SNX29: variants seen among roughly 807,000 people sequenced by gnomAD.
SNX29 encodes the protein sorting nexin-29.
SNX29 carries 78 observed loss-of-function variants against 102.1 expected under a neutral mutation model. The ratio of observed to expected loss-of-function variants is 0.76; its 90% confidence interval spans 0.64 to 0.92. The LOEUF (loss-of-function observed/expected upper bound fraction) is 0.92, where lower values mean the gene tolerates loss of function less well. Among genes scored for constraint, SNX29 ranks in the 40% least tolerant of loss-of-function variants. SNX29 has a pLI of 0.00. For missense variants in SNX29, 1,280 were observed against 1,061.7 expected (o/e 1.21, Z -2.86); for synonymous variants, 580 against 414.5 (o/e 1.40, Z -4.85).
intron 18 of SNX29, among the ~76,000 whole-genome samples, chr16:12,429,442 A>G (rs1387809286): frequency 6.6e-6 from 1 of 152,066 alleles, no homozygotes; most frequent in Non-Finnish European, 1.5e-5. Context: ...CCTCTAAGAG[A>G]CAGTGTCTCA....
At chr16:12,049,872 C>G (rs1043563941) in intron 7 of SNX29, among the ~76,000 whole-genome samples, 1 of 152,178 alleles carries the variant, frequency 6.6e-6, no homozygotes. Flanking sequence ...CTGCCTTGGC[C>G]TCCCAAAGTG....
chr16:12,542,637 C>T (rs746402476), intron 20 of SNX29, among the ~76,000 whole-genome samples: 4 of 152,216 alleles, frequency 2.6e-5, no homozygotes. Context: ...CAGTGTGGGT[C>T]TAACACTTAA....
intron 20 of SNX29, among the ~76,000 whole-genome samples, chr16:12,560,172 T>C (rs2078641807): frequency 6.8e-6 from 1 of 147,790 alleles, no homozygotes; most frequent in African/African-American, 2.6e-5. Context: ...TTCTCACTTT[T>C]TTTTAATTCA....
rs2052775546 is a variant in SNX29 at position 12,096,554 on chromosome 16, C to T, written c.1402+17639C>T. ...GCGCTCAGCACTCAGGAGATGTTAG[C>T]TCTTCTCACATGGGCCCTGCCCACA... On this transcript the variant is annotated intron_variant, in intron 11 of 20. Transcript: ENST00000566228. The surrounding 1 kb of genome is among the most constrained non-coding windows in gnomAD (Gnocchi z 4.2). 6.6e-6 allele frequency among the ~76,000 whole-genome samples: 1 copy of T among 152,220 alleles called. No individual in the cohort carries two copies. Among genetic ancestry groups the T allele is most frequent in the African/African-American group, 2.4e-5 (1 of 41,456 alleles).
In SNX29 at chr16:12,468,422, G is replaced by A. The variant is rs574698872; in HGVS notation, c.2038-9297G>A. On this transcript the variant is annotated intron_variant, in intron 18 of 20. Transcript: ENST00000566228. ...ACTCCTGACCTCAAGTGATCTGCCT[G>A]CCTTAGCCTGGGATTACAGGTGTGA... Among the ~76,000 whole-genome samples, 56 of 152,044 alleles carry A rather than the reference G, an allele frequency of 3.7e-4. No homozygotes were observed. The East Asian group carries it at 9.1e-3, about 25-fold the overall frequency.
intron 14 of SNX29, among the ~76,000 whole-genome samples, chr16:12,213,822 A>G (rs1209874203): frequency 2.0e-5 from 3 of 152,140 alleles, no homozygotes; most frequent in African/African-American, 7.2e-5. Flanking sequence ...GGCCACCCCA[A>G]ATTGCAAGGT....
rs2079170585 is a variant in SNX29 at position 12,570,766 on chromosome 16, ACAT to A, written c.*2138_*2140del. 5.4e-6 allele frequency: 1 copy of A among 184,798 alleles called. No individual in the cohort carries two copies. The highest frequency in any genetic ancestry group is 3.6e-5 in the African/African-American group (1 of 27,790). The allele number at this position is 184,798 out of a possible 1,614,324, so 11.4% of individuals were successfully genotyped here. On this transcript the variant is annotated 3_prime_UTR_variant, in exon 21 of 21. Coordinates refer to ENST00000566228, the MANE Select transcript of SNX29 (RefSeq NM_032167.5). ...CGAGGAAGCACCTTGGACATTCTGC[ACAT>A]GATAATAATGCAACAGTCCCCCATT...
intron 19 of SNX29, among the ~76,000 whole-genome samples, chr16:12,483,402 C>G (rs186345840): frequency 6.6e-5 from 10 of 151,096 alleles, no homozygotes; most frequent in African/African-American, 2.2e-4. Flanking sequence ...ACTGCAATCT[C>G]CGCCTCCCAG....
intron 5 of SNX29, among the ~76,000 whole-genome samples, chr16:12,043,701 G>GA (rs2049977118): frequency 6.6e-6 from 1 of 151,374 alleles, no homozygotes; most frequent in Middle Eastern, 3.2e-3. Context: ...ATCCCAAACT[G>GA]AAAAAAACAT....
At chr16:12,258,972 G>A (rs1028283218) in intron 14 of SNX29, among the ~76,000 whole-genome samples, 1 of 152,106 alleles carries the variant, frequency 6.6e-6, no homozygotes, top group Non-Finnish European at 1.5e-5. Context: ...GAGATCCTCC[G>A]TAGACAAGAG....
chr16:12,567,085 G>T (rs962622884), intron 20 of SNX29, among the ~76,000 whole-genome samples: 1 of 152,232 alleles, frequency 6.6e-6, no homozygotes, highest in South Asian at 2.1e-4. Context: ...AGGGATCCTC[G>T]AGGGGAATGA....
chr16:12,528,930 A>G (rs1567659034), intron 20 of SNX29, among the ~76,000 whole-genome samples: 1 of 152,224 alleles, frequency 6.6e-6, no homozygotes, highest in Admixed American at 6.5e-5. Context: ...CCTCACAAAT[A>G]TTACTTAAAA....
At chr16:12,241,228 T>G (rs915316223) in intron 14 of SNX29, among the ~76,000 whole-genome samples, 2 of 152,212 alleles carry the variant, frequency 1.3e-5, no homozygotes, top group African/African-American at 4.8e-5. Context: ...GTAAAATTCT[T>G]GTCTGGCATT....
chr16:12,447,855 C>T (rs142927971), intron 18 of SNX29, among the ~76,000 whole-genome samples: 12 of 152,310 alleles, frequency 7.9e-5, no homozygotes, highest in African/African-American at 2.4e-4. Flanking sequence ...CCCCTCTCAA[C>T]ACACATCTGA....
chr16:12,235,807 GTGTA>G (rs952742126), intron 14 of SNX29, among the ~76,000 whole-genome samples: 24 of 151,588 alleles, frequency 1.6e-4, no homozygotes, highest in African/African-American at 4.9e-4. Context: ...GTGTGTGTGT[GTGTA>G]TGTGTATGTG....
At chr16:12,079,016 C>T (rs4352067) in intron 11 of SNX29, 101 bp downstream of exon 11, 2 of 1,031,472 alleles carry the variant, frequency 1.9e-6, no homozygotes, top group East Asian at 2.6e-5. Flanking sequence ...TGTGGGTTCA[C>T]GTCAGGTGTG....
At chr16:12,446,876 A>G (rs2086078267) in intron 18 of SNX29, among the ~76,000 whole-genome samples, 1 of 152,066 alleles carries the variant, frequency 6.6e-6, no homozygotes, top group Admixed American at 6.6e-5. Context: ...TGACATATGT[A>G]AAATAGGAGC....
At chr16:11,985,865 C>T (rs1243988599) in intron 1 of SNX29, among the ~76,000 whole-genome samples, 2 of 147,074 alleles carry the variant, frequency 1.4e-5, no homozygotes, top group East Asian at 2.0e-4. Flanking sequence ...TAGAGTCTTG[C>T]TCTGTCACCC....
At position 12,539,592 on chromosome 16, in the gene SNX29, C is replaced by T. The variant is rs113096170; in HGVS notation, c.2318+14751C>T. Among the ~76,000 whole-genome samples, 457 of 152,234 alleles carry T rather than the reference C, an allele frequency of 3.0e-3. 5 individuals are homozygous for T. The highest frequency in any genetic ancestry group is 0.014 in the Middle Eastern group (4 of 294). On this transcript the variant is annotated intron_variant, in intron 20 of 20. Transcript: ENST00000566228. ...GTGAACAAAAGTTTTCATTTCTGTG[C>T]GGCAAATACCTAAGAGTTGAGGACT...
Sources: gnomAD v4.1 joint callset for allele counts (sites outside exome capture counted in the v4.1 genomes callset) on GRCh38, gnomAD v4.1.1 for gene constraint, Gnocchi (gnomAD v3.1) non-coding constraint, MANE v1.5 for transcripts, NCBI Gene and HGNC (gene_info 2026-07-23, HGNC 2026-07-21) for gene names.